MACROD2: variants seen among roughly 807,000 people sequenced by gnomAD.
MACROD2 encodes mono-ADP ribosylhydrolase 2, also known as ADP-ribose glycohydrolase MACROD2.
A neutral mutation model predicts 70.4 loss-of-function variants in MACROD2; 36 were observed. The observed-to-expected ratio is 0.51, with a 90% CI of 0.39 to 0.68. The LOEUF (loss-of-function observed/expected upper bound fraction) is 0.68, where lower values mean the gene tolerates loss of function less well. Among genes scored for constraint, MACROD2 ranks in the 30% least tolerant of loss-of-function variants. The probability of loss-of-function intolerance (pLI) is 0.00; values close to 1 mark genes in which losing one functional copy is unlikely to be tolerated. For missense variants in MACROD2, 496 were observed against 538.4 expected, an observed-to-expected ratio of 0.92 and a Z score of 0.78; for synonymous variants, 172 against 178.8, an observed-to-expected ratio of 0.96 and a Z score of 0.30.
At chr20:15,892,758 A>G (rs1034242112) in intron 10 of MACROD2, among the ~76,000 whole-genome samples, 1 of 152,256 alleles carries the variant, frequency 6.6e-6, no homozygotes, top group Non-Finnish European at 1.5e-5. Context: ...AGGTTGGAGA[A>G]CCACAAGTCC....
At chr20:15,980,836 G>A (rs746577519) in intron 13 of MACROD2, among the ~76,000 whole-genome samples, 87 of 152,152 alleles carry the variant, frequency 5.7e-4, no homozygotes, top group African/African-American at 1.9e-3. Context: ...GTTTTTTGCC[G>A]GGCCAGAATA....
chr20:14,302,079 C>A (rs976718692), intron 3 of MACROD2, among the ~76,000 whole-genome samples: 1 of 152,148 alleles, frequency 6.6e-6, no homozygotes, highest in African/African-American at 2.4e-5. Flanking sequence ...AAACAACATG[C>A]ATTTATTATC....
intron 8 of MACROD2, among the ~76,000 whole-genome samples, chr20:15,531,829 G>C (rs1294144590): frequency 6.6e-6 from 1 of 152,034 alleles, no homozygotes; most frequent in Non-Finnish European, 1.5e-5. Context: ...ATGAATATTG[G>C]TTACATACCA....
At chr20:14,600,343 TACACACACACACACAC>T (rs1042255013) in intron 4 of MACROD2, among the ~76,000 whole-genome samples, 1 of 130,200 alleles carries the variant, frequency 7.7e-6, no homozygotes, top group Non-Finnish European at 1.6e-5. Flanking sequence ...TATATATATA[TACACACACACACACAC>T]ACACACAAAT....
intron 6 of MACROD2, among the ~76,000 whole-genome samples, chr20:15,250,302 A>G (rs1204792066): frequency 6.6e-6 from 1 of 152,186 alleles, no homozygotes; most frequent in Non-Finnish European, 1.5e-5. Flanking sequence ...AGCCTTTTGT[A>G]CACAGCTTTT....
intron 3 of MACROD2, among the ~76,000 whole-genome samples, chr20:14,225,273 C>T (rs1569214396): frequency 6.6e-6 from 1 of 152,124 alleles, no homozygotes; most frequent in Admixed American, 6.6e-5. Context: ...ATATTTTCTT[C>T]TGCTTTGAAA....
chr20:14,062,924 G>T (rs1016075086), intron 2 of MACROD2, among the ~76,000 whole-genome samples: 1 of 152,114 alleles, frequency 6.6e-6, no homozygotes, highest in South Asian at 2.1e-4. Flanking sequence ...CTTAGCATGT[G>T]AACATTACCT....
chr20:14,245,628 G>A (rs1296255595), intron 3 of MACROD2, among the ~76,000 whole-genome samples: 1 of 152,100 alleles, frequency 6.6e-6, no homozygotes, highest in Non-Finnish European at 1.5e-5. Flanking sequence ...ATTTCAAAGA[G>A]CAGAATTAAA....
intron 2 of MACROD2, among the ~76,000 whole-genome samples, chr20:14,040,360 TAG>T (rs1167211492): frequency 6.6e-6 from 1 of 152,154 alleles, no homozygotes; most frequent in Non-Finnish European, 1.5e-5. Flanking sequence ...ACAGTAAAAA[TAG>T]AGTGTAAAAG....
chr20:15,142,832 G>A (rs1471630619), intron 5 of MACROD2, among the ~76,000 whole-genome samples: 1 of 152,110 alleles, frequency 6.6e-6, no homozygotes, highest in Non-Finnish European at 1.5e-5. Context: ...CCCTACAAAC[G>A]ACATGAACTC....
intron 11 of MACROD2, 54 bp from the exon 12 acceptor site, chr20:15,937,422 G>A: frequency 2.6e-6 from 4 of 1,568,378 alleles, no homozygotes; most frequent in Non-Finnish European, 3.5e-6. Flanking sequence ...GAAAGCCACA[G>A]CTGGACTTCC....
chr20:14,329,457 A>G (rs1288199243), intron 3 of MACROD2: 2 of 152,122 alleles, frequency 1.3e-5, no homozygotes, highest in African/African-American at 4.8e-5. Flanking sequence ...CAGAAGGGAT[A>G]GGTTGACCTC....
chr20:15,733,234 C>CT (rs536913259), intron 8 of MACROD2, among the ~76,000 whole-genome samples: 3 of 151,756 alleles, frequency 2.0e-5, no homozygotes, highest in African/African-American at 4.8e-5. Context: ...GTAATTTGTT[C>CT]TTTTTTTTCT....
In MACROD2 at chr20:14,267,142, TG is replaced by T. The variant is rs780226702; in HGVS notation, c.271+181416del. Among the ~76,000 whole-genome samples, 7 of 152,238 alleles carry T rather than the reference TG, an allele frequency of 4.6e-5. No homozygotes were observed. The Middle Eastern group carries it at 0.014, about 296-fold the overall frequency. On this transcript the variant is annotated intron_variant, in intron 3 of 17. Transcript: ENST00000684519. ...AATGATCCAAGAGAAGTTATGTTAG[TG>T]GCCCTATATGTAAGGAAACTAGCTC...
chr20:15,151,282 C>T (rs2076267799), intron 5 of MACROD2, among the ~76,000 whole-genome samples: 2 of 152,080 alleles, frequency 1.3e-5, no homozygotes, highest in Non-Finnish European at 1.5e-5. Flanking sequence ...GCCAGATTTC[C>T]AGCACTTGTA....
intron 5 of MACROD2, among the ~76,000 whole-genome samples, chr20:14,733,546 A>G (rs561813871): frequency 1.9e-4 from 29 of 152,328 alleles, no homozygotes; most frequent in African/African-American, 6.7e-4. Flanking sequence ...GTATCAGTAC[A>G]TGGAGAAGAA....
At chr20:14,542,943 G>A (rs2085451307) in intron 4 of MACROD2, among the ~76,000 whole-genome samples, 1 of 124,846 alleles carries the variant, frequency 8.0e-6, no homozygotes, top group Non-Finnish European at 1.7e-5. Flanking sequence ...TAATGAAATG[G>A]TAAATTATTA....
chr20:15,683,412 A>T (rs984434941), intron 8 of MACROD2, among the ~76,000 whole-genome samples: 1 of 152,190 alleles, frequency 6.6e-6, no homozygotes, highest in African/African-American at 2.4e-5. Flanking sequence ...TTCCCATTTA[A>T]TATCTTTCTT....
chr20:15,008,594 A>G (rs1275460544), intron 5 of MACROD2, among the ~76,000 whole-genome samples: 4 of 152,144 alleles, frequency 2.6e-5, no homozygotes, highest in African/African-American at 7.2e-5. Flanking sequence ...AGATAACTGT[A>G]TTACTAAGCA....
Sources: allele counts gnomAD v4.1 joint callset (sites outside exome capture counted in the v4.1 genomes callset), GRCh38; gene constraint gnomAD v4.1.1; transcripts MANE v1.5; gene names NCBI Gene and HGNC (gene_info 2026-07-23, HGNC 2026-07-21).